Variants in ABI3BP observed in about 807,000 individuals in gnomAD.
ABI3BP encodes target of Nesh-SH3.
Under a neutral mutation model 268.6 loss-of-function variants are expected in ABI3BP, and 216 were observed. The observed-to-expected ratio is 0.80, with a 90% CI of 0.72 to 0.90. The LOEUF (loss-of-function observed/expected upper bound fraction) is 0.90. ABI3BP is among the 40% of genes least tolerant of loss of function. ABI3BP has a pLI of 0.00. For missense variants in ABI3BP, 2,090 were observed against 2,182.4 expected (o/e 0.96, Z 0.84); for synonymous variants, 730 against 730.0 (o/e 1.00, Z 0.00).
At position 100,848,772 on chromosome 3, in the gene ABI3BP, A is replaced by G. The variant is rs371242289; in HGVS notation, c.1576+29T>C. The G allele has an allele frequency of 1.9e-4, 297 of 1,592,192 alleles. 2 individuals are homozygous for G. The South Asian group carries it at 2.8e-3, about 15-fold the overall frequency. Reference sequence around the variant, plus strand: ...ATGGACATTGTCTATCTGGAATTACATATCATGTAAATATAAAGAGACATT... The same window carrying G: ...ATGGACATTGTCTATCTGGAATTACGTATCATGTAAATATAAAGAGACATT... On this transcript the variant is annotated intron_variant, in intron 18 of 67. Transcript: ENST00000471714.
intron 59 of ABI3BP, among the ~76,000 whole-genome samples, chr3:100,776,985 G>T (rs565206575): frequency 6.6e-6 from 1 of 152,168 alleles, no homozygotes; most frequent in African/African-American, 2.4e-5. Flanking sequence ...GCTGCCCCAG[G>T]TTACAGTAAA....
At chr3:100,876,470 T>C in intron 7 of ABI3BP, 42 bp downstream of exon 7, 1 of 1,547,618 alleles carries the variant, frequency 6.5e-7, no homozygotes, top group Non-Finnish European at 8.9e-7. Context: ...TAAAAGTATG[T>C]TAAAGATTGC....
intron 20 of ABI3BP, among the ~76,000 whole-genome samples, chr3:100,845,251 C>T (rs1017644231): frequency 6.6e-6 from 1 of 152,082 alleles, no homozygotes; most frequent in African/African-American, 2.4e-5. Flanking sequence ...TGATTTAAAC[C>T]ACTATTAAGG....
Position 100,831,474 on chromosome 3 carries a change from A to C in ABI3BP, c.2401+790T>G, listed in dbSNP as rs140966332. ...CTTTACTTAACATAAGTAGCTGAAGAACCAACTCTCAGTTTTTGGTATCAT... is the reference window on the plus strand; with the variant it reads ...CTTTACTTAACATAAGTAGCTGAAGCACCAACTCTCAGTTTTTGGTATCAT... On this transcript the variant is annotated intron_variant, in intron 31 of 67. Coordinates refer to ENST00000471714, the MANE Select transcript of ABI3BP (RefSeq NM_001375547.2). 2.0e-5 allele frequency among the ~76,000 whole-genome samples: 3 copies of C among 152,292 alleles called. No homozygotes were observed. The East Asian group carries it at 5.8e-4, about 29-fold the overall frequency.
At chr3:100,957,722 A>G (rs554225499) in intron 1 of ABI3BP, among the ~76,000 whole-genome samples, 2 of 152,322 alleles carry the variant, frequency 1.3e-5, no homozygotes, top group South Asian at 4.1e-4. Context: ...GAGCCCAGAG[A>G]TGTTAAGCTA....
chr3:100,979,059 T>G (rs1328422842), intron 1 of ABI3BP, among the ~76,000 whole-genome samples: 1 of 152,140 alleles, frequency 6.6e-6, no homozygotes, highest in Non-Finnish European at 1.5e-5. Flanking sequence ...GAAACGCAAA[T>G]TATTCAAACC....
chr3:100,830,159 ATAT>A (rs2098466932), intron 32 of ABI3BP, among the ~76,000 whole-genome samples: 4 of 103,472 alleles, frequency 3.9e-5, no homozygotes, highest in Non-Finnish European at 6.2e-5. Flanking sequence ...ATATATATAT[ATAT>A]ATAAAATGCA....
chr3:100,851,424 A>G (rs1580484824), intron 15 of ABI3BP, among the ~76,000 whole-genome samples: 1 of 152,106 alleles, frequency 6.6e-6, no homozygotes, highest in Non-Finnish European at 1.5e-5. Context: ...GTTTGGCAGC[A>G]CCCCTCATCT....
intron 3 of ABI3BP, 46 bp from the exon 4 acceptor site, chr3:100,898,940 A>G: frequency 6.5e-7 from 1 of 1,538,768 alleles, no homozygotes. Context: ...ACATTTAGTA[A>G]GTTGCCATGA....
At chr3:100,964,611 C>T (rs2080557027) in intron 1 of ABI3BP, among the ~76,000 whole-genome samples, 1 of 152,198 alleles carries the variant, frequency 6.6e-6, no homozygotes, top group African/African-American at 2.4e-5. Context: ...ATGTGTTTAA[C>T]ATCTTTTTGC....
intron 1 of ABI3BP, among the ~76,000 whole-genome samples, chr3:100,981,650 C>T (rs569272206): frequency 2.0e-5 from 3 of 152,278 alleles, no homozygotes; most frequent in South Asian, 4.1e-4. Flanking sequence ...GATGTTTCAC[C>T]GTAAAAGACA....
At chr3:100,973,322 C>G (rs953712478) in intron 1 of ABI3BP, among the ~76,000 whole-genome samples, 1 of 152,154 alleles carries the variant, frequency 6.6e-6, no homozygotes, top group Non-Finnish European at 1.5e-5. Flanking sequence ...TGACCAGTGG[C>G]TCACAGGAAT....
chr3:100,934,744 C>G (rs1185208845), intron 1 of ABI3BP, among the ~76,000 whole-genome samples: 1 of 151,958 alleles, frequency 6.6e-6, no homozygotes, highest in African/African-American at 2.4e-5. Flanking sequence ...TGATGATGAG[C>G]TTTTTTTTCA....
intron 1 of ABI3BP, among the ~76,000 whole-genome samples, chr3:100,955,921 C>A (rs2076660261): frequency 6.6e-6 from 1 of 152,004 alleles, no homozygotes; most frequent in South Asian, 2.1e-4. Flanking sequence ...GGCATGGGGG[C>A]TCACACTTGT....
intron 41 of ABI3BP, 46 bp from the exon 42 acceptor site, chr3:100,817,541 T>C: frequency 7.6e-7 from 1 of 1,324,418 alleles, no homozygotes; most frequent in East Asian, 2.5e-5. Flanking sequence ...AACTTGAATA[T>C]TAATTTCACA....
intron 1 of ABI3BP, among the ~76,000 whole-genome samples, chr3:100,982,476 G>C (rs1290757749): frequency 6.6e-6 from 1 of 151,566 alleles, no homozygotes. Flanking sequence ...TCAGAAAGGT[G>C]AAGCATTAGG....
At chr3:100,819,922 G>A (rs1217942820) in intron 40 of ABI3BP, among the ~76,000 whole-genome samples, 2 of 144,828 alleles carry the variant, frequency 1.4e-5, no homozygotes, top group African/African-American at 2.6e-5. Flanking sequence ...CACTCCAGCC[G>A]GGGCAACAGA....
At chr3:100,887,622 A>G (rs2042588441) in intron 4 of ABI3BP, among the ~76,000 whole-genome samples, 1 of 152,014 alleles carries the variant, frequency 6.6e-6, no homozygotes, top group South Asian at 2.1e-4. Flanking sequence ...TGGGTAAACT[A>G]TTTTTGGGTC....
At chr3:100,763,463 CAAAAAAA>C (rs1418781949) in intron 63 of ABI3BP, among the ~76,000 whole-genome samples, 1 of 109,338 alleles carries the variant, frequency 9.1e-6, no homozygotes, top group African/African-American at 3.4e-5. Context: ...GACTCTGTCT[CAAAAAAA>C]AAAAAAAGAA....
Sources: allele counts gnomAD v4.1 joint callset (sites outside exome capture counted in the v4.1 genomes callset), GRCh38; gene constraint gnomAD v4.1.1; transcripts MANE v1.5; gene names NCBI Gene and HGNC (gene_info 2026-07-23, HGNC 2026-07-21).